The following INTS9 variants were observed in gnomAD, a reference collection of about 807,000 sequenced individuals.
The protein encoded by INTS9 is integrator complex subunit 9.
INTS9 carries 55 observed loss-of-function variants against 79.7 expected under a neutral mutation model. The ratio of observed to expected loss-of-function variants is 0.69; its 90% CI spans 0.56 to 0.86. The LOEUF is 0.86. Among genes scored for constraint, INTS9 ranks in the 40% least tolerant of loss-of-function variants. INTS9 has a pLI of 0.00. For missense variants in INTS9, 721 were observed against 831.5 expected, an observed-to-expected ratio of 0.87 and a Z score of 1.64; for synonymous variants, 319 against 325.2, an observed-to-expected ratio of 0.98 and a Z score of 0.20.
At chr8:28,859,304 T>G in intron 2 of INTS9, 132 bp downstream of exon 2, 1 of 1,011,238 alleles carries the variant, frequency 9.9e-7, no homozygotes, top group Non-Finnish European at 1.4e-6. Context: ...GAAATTATTT[T>G]GATAAAGAAC....
chr8:28,775,642 G>T, intron 14 of INTS9, 117 bp downstream of exon 14: 1 of 1,119,850 alleles, frequency 8.9e-7, no homozygotes, highest in South Asian at 1.5e-5. Context: ...GTGAGCTACT[G>T]CGCGCAGCCT....
chr8:28,797,912 T>G (rs938542132), intron 8 of INTS9, among the ~76,000 whole-genome samples: 5 of 152,232 alleles, frequency 3.3e-5, no homozygotes, highest in Non-Finnish European at 7.3e-5. Flanking sequence ...GGTCTCCGAG[T>G]AGCTGTGCCT....
At chr8:28,776,015 G>C in intron 13 of INTS9, 89 bp from the exon 14 acceptor site, 2 of 1,014,510 alleles carry the variant, frequency 2.0e-6, no homozygotes, top group Non-Finnish European at 2.8e-6. Context: ...TCCACTCCCC[G>C]CCATTACAGG....
At chr8:28,844,878 T>C (rs1563292405) in intron 4 of INTS9, among the ~76,000 whole-genome samples, 2 of 152,156 alleles carry the variant, frequency 1.3e-5, no homozygotes, top group East Asian at 1.9e-4. Flanking sequence ...AATGAGAAAA[T>C]AGACTAGTTT....
chr8:28,815,673 T>A (rs1805428858), intron 6 of INTS9, among the ~76,000 whole-genome samples: 1 of 152,010 alleles, frequency 6.6e-6, no homozygotes, highest in Non-Finnish European at 1.5e-5. Flanking sequence ...AAGAGTAGAT[T>A]AATAAAAAAT....
Position 28,874,321 on chromosome 8 carries a change from G to A in INTS9, c.10-14758C>T, listed in dbSNP as rs549356700. Among the ~76,000 whole-genome samples the A allele has an allele frequency of 1.1e-3, 158 of 148,906 alleles. 1 individual carries two copies. Among genetic ancestry groups the A allele is most frequent in the Non-Finnish European group, 1.7e-3 (116 of 67,528 alleles). ...TTTTTTTGTTTTGAGACAGAGTCTC[G>A]CTCTGTCACCCAAGCTGGAGTGCAG... On this transcript the variant is annotated intron_variant, in intron 1 of 16. Transcript: ENST00000521022.
chr8:28,781,223 G>T (rs529988048), intron 11 of INTS9, among the ~76,000 whole-genome samples: 1 of 152,032 alleles, frequency 6.6e-6, no homozygotes, highest in South Asian at 2.1e-4. Context: ...TAAAAAGTGG[G>T]CAAAAAACCT....
chr8:28,814,028 G>C (rs1805315766), intron 6 of INTS9, among the ~76,000 whole-genome samples: 1 of 151,204 alleles, frequency 6.6e-6, no homozygotes, highest in South Asian at 2.1e-4. Context: ...CAAAGTGCTG[G>C]GATTACAGGC....
chr8:28,799,936 A>G (rs577725330), intron 8 of INTS9, among the ~76,000 whole-genome samples: 41 of 152,100 alleles, frequency 2.7e-4, no homozygotes, highest in African/African-American at 9.6e-4. Flanking sequence ...GGAACTTAAT[A>G]CTCAATTTCA....
At chr8:28,797,938 C>T (rs1037435818) in intron 8 of INTS9, among the ~76,000 whole-genome samples, 1 of 152,202 alleles carries the variant, frequency 6.6e-6, no homozygotes, top group East Asian at 1.9e-4. Flanking sequence ...ATTTTCCTTT[C>T]ACCTTCTATT....
chr8:28,794,500 G>A (rs995297488), intron 9 of INTS9, among the ~76,000 whole-genome samples: 3 of 152,186 alleles, frequency 2.0e-5, no homozygotes, highest in African/African-American at 4.8e-5. Context: ...GAGGGCTGGT[G>A]GACTTGCTAT....
chr8:28,862,941 T>C (rs1409616080), intron 1 of INTS9, among the ~76,000 whole-genome samples: 2 of 152,218 alleles, frequency 1.3e-5, no homozygotes, highest in Non-Finnish European at 2.9e-5. Context: ...TTTGGGAAAG[T>C]TACTTAACTT....
intron 11 of INTS9, among the ~76,000 whole-genome samples, chr8:28,786,532 A>T (rs1297732452): frequency 6.6e-6 from 1 of 152,020 alleles, no homozygotes; most frequent in Non-Finnish European, 1.5e-5. Context: ...GCCTCCAGTG[A>T]TCCTCCCACT....
intron 10 of INTS9, among the ~76,000 whole-genome samples, chr8:28,793,440 G>C (rs545162789): frequency 6.6e-6 from 1 of 152,126 alleles, no homozygotes; most frequent in Admixed American, 6.5e-5. Flanking sequence ...CTCAGATTTG[G>C]CACTATACAT....
At chr8:28,783,972 T>C (rs1768620980) in intron 11 of INTS9, 1 of 152,234 alleles carries the variant, frequency 6.6e-6, no homozygotes, top group South Asian at 2.1e-4. Flanking sequence ...TACTGATCAA[T>C]GCACAGAAAC....
chr8:28,797,852 C>T (rs571333836), intron 8 of INTS9, among the ~76,000 whole-genome samples: 44 of 152,280 alleles, frequency 2.9e-4, no homozygotes, highest in Non-Finnish European at 5.6e-4. Flanking sequence ...CACCCAATTT[C>T]GCAGTAAATA....
chr8:28,772,546 C>T (rs1585321847), intron 14 of INTS9, among the ~76,000 whole-genome samples: 2 of 151,628 alleles, frequency 1.3e-5, no homozygotes, highest in South Asian at 4.2e-4. Context: ...CGGTGGTTCA[C>T]GCCTGTAATC....
At chr8:28,862,479 T>C (rs576417032) in intron 1 of INTS9, among the ~76,000 whole-genome samples, 289 of 152,358 alleles carry the variant, frequency 1.9e-3, no homozygotes, top group Middle Eastern at 6.8e-3. Context: ...TTGTTTCCTG[T>C]CACCCTACTA....
chr8:28,846,375 A>G (rs148171514), intron 4 of INTS9, among the ~76,000 whole-genome samples: 1 of 26,074 alleles, frequency 3.8e-5, no homozygotes, highest in African/African-American at 1.4e-4. Flanking sequence ...TTTACTAGCA[A>G]TTGTCAATTA....
Sources: allele counts gnomAD v4.1 joint callset (sites outside exome capture counted in the v4.1 genomes callset), GRCh38; gene constraint gnomAD v4.1.1; transcripts MANE v1.5; gene names NCBI Gene and HGNC (gene_info 2026-07-23, HGNC 2026-07-21).